The following DSG2 variants were observed in gnomAD, a reference collection of about 807,000 sequenced individuals.
The protein encoded by DSG2 is desmoglein 2.
DSG2 carries 45 observed loss-of-function variants against 75.6 expected under a neutral mutation model. The ratio of observed to expected loss-of-function variants is 0.60; its 90% CI spans 0.47 to 0.76. The LOEUF is 0.76. Among genes scored for constraint, DSG2 ranks in the 30% least tolerant of loss-of-function variants. The pLI is 0.00. For synonymous variants in DSG2, 429 were observed against 483.9 expected, an observed-to-expected ratio of 0.89 and a Z score of 1.49; for missense variants, 1,267 against 1,357.4, an observed-to-expected ratio of 0.93 and a Z score of 1.05.
At chr18:31,517,776 A>G (rs1161454553) in intron 1 of DSG2, among the ~76,000 whole-genome samples, 1 of 152,014 alleles carries the variant, frequency 6.6e-6, no homozygotes, top group African/African-American at 2.4e-5. Flanking sequence ...AAGTCAGAAC[A>G]TGGGCTGTCC....
intron 9 of DSG2, 40 bp from the exon 10 acceptor site, chr18:31,535,230 T>C (rs1394146878): frequency 1.4e-6 from 2 of 1,381,294 alleles, no homozygotes; most frequent in African/African-American, 2.9e-5. Flanking sequence ...TTCCAATTCA[T>C]GCAGAATTCA....
intron 6 of DSG2, among the ~76,000 whole-genome samples, chr18:31,522,829 G>A (rs2073137096): frequency 6.6e-6 from 1 of 152,122 alleles, no homozygotes; most frequent in Non-Finnish European, 1.5e-5. Context: ...CCTAGTTAGA[G>A]AATAAAAGTA....
intron 8 of DSG2, 108 bp downstream of exon 8, chr18:31,524,996 T>A: frequency 1.9e-6 from 2 of 1,044,040 alleles, no homozygotes; most frequent in Non-Finnish European, 2.9e-6. Flanking sequence ...TTCAATTAAC[T>A]AGCACTACAG....
chr18:31,536,558 G>A, intron 11 of DSG2, 129 bp downstream of exon 11: 2 of 938,812 alleles, frequency 2.1e-6, no homozygotes, highest in African/African-American at 1.6e-5. Context: ...ATGAAATGAG[G>A]TCCTGAACCT....
At chr18:31,507,052 T>A (rs1191896350) in intron 1 of DSG2, among the ~76,000 whole-genome samples, 1 of 152,164 alleles carries the variant, frequency 6.6e-6, no homozygotes, top group Non-Finnish European at 1.5e-5. Flanking sequence ...GTATTAGGTA[T>A]TTCTCCTAGT....
chr18:31,546,739 C>T lies in DSG2; in HGVS notation c.3353C>T (p.Ser1118Phe), dbSNP rs368703304. 2.2e-5 allele frequency: 35 copies of T among 1,613,886 alleles called. No individual in the cohort carries two copies. The African/African-American group carries it at 4.3e-4, about 20-fold the overall frequency. Residue 1118 changes from serine to phenylalanine, a missense_variant, in exon 15 of 15, where the codon TCC becomes TTC. Transcript: ENST00000261590. ...TKHSTVQHSY[S>F] ...CATAGCACTGTACAGCATTCTTACT[C>T]CTAAACAGCAGTCAGCCACAAACTG...
At position 31,546,339 on chromosome 18, in the gene DSG2, GT is replaced by G. The variant is rs1064794709; in HGVS notation, c.2955del (p.Val986TrpfsTer6). The G allele has an allele frequency of 2.4e-5, 38 of 1,612,536 alleles. No individual in the cohort carries two copies. The highest frequency in any genetic ancestry group is 3.2e-5 in the Non-Finnish European group (38 of 1,178,964). On this transcript the variant is annotated frameshift_variant, in exon 15 of 15. Coordinates refer to ENST00000261590, the MANE Select transcript of DSG2 (RefSeq NM_001943.5). LOFTEE classifies it low-confidence loss of function (END_TRUNC). Reference sequence around the variant, plus strand: ...TCAGCCTTATGCTAATGAAGGTACAGTTGTGGTCACTGAAAGAGTAATACAG... The same window carrying G: ...TCAGCCTTATGCTAATGAAGGTACAGTGTGGTCACTGAAAGAGTAATACAG... The part of the protein sequence containing the change: ...VDQPYANEGT[V>X]VVTERVIQPH...
chr18:31,546,894 A>C lies in DSG2; in HGVS notation c.*151A>C, dbSNP rs1468967204. ...TTTCTCAGTCACTGATATGCAAAGG[A>C]CCACACTGTCTCTGCTTCCAGGAGT... On this transcript the variant is annotated 3_prime_UTR_variant, in exon 15 of 15. Transcript: ENST00000261590. 8 of 792,492 alleles carry C rather than the reference A, an allele frequency of 1.0e-5. No individual in the cohort carries two copies. The allele number at this position is 792,492 out of a possible 1,614,324, so 49.1% of individuals were successfully genotyped here. A position where few individuals can be genotyped will look rare whatever the true frequency, so the allele number is the denominator to read the frequency against.
chr18:31,508,300 A>C (rs1361429782), intron 1 of DSG2, among the ~76,000 whole-genome samples: 1 of 152,202 alleles, frequency 6.6e-6, no homozygotes, highest in Non-Finnish European at 1.5e-5. Context: ...GAATACTTGT[A>C]AAATGAAAAA....
intron 1 of DSG2, among the ~76,000 whole-genome samples, chr18:31,506,186 C>T (rs868256777): frequency 6.6e-6 from 1 of 152,100 alleles, no homozygotes; most frequent in Non-Finnish European, 1.5e-5. Flanking sequence ...CCCAGGTTCA[C>T]CTGGCACCAA....
Position 31,546,862 on chromosome 18 carries a change from T to A in DSG2, c.*119T>A, listed in dbSNP as rs1015547854. 8.6e-7 allele frequency: 1 copy of A among 1,164,566 alleles called. No individual in the cohort carries two copies. Among genetic ancestry groups the A allele is most frequent in the Non-Finnish European group, 1.3e-6 (1 of 784,448 alleles). 72.1% of individuals were successfully genotyped at this position (1,164,566 alleles called of 1,614,324 possible). A position where few individuals can be genotyped will look rare whatever the true frequency, so the allele number is the denominator to read the frequency against. ...CACAGAGACACATACACATTGATCTTAAAATTTTTCTCAGTCACTGATATG... is the reference window on the plus strand; with the variant it reads ...CACAGAGACACATACACATTGATCTAAAAATTTTTCTCAGTCACTGATATG... On this transcript the variant is annotated 3_prime_UTR_variant, in exon 15 of 15. Coordinates refer to ENST00000261590, the MANE Select transcript of DSG2 (RefSeq NM_001943.5).
At chr18:31,504,571 G>A (rs756718530) in intron 1 of DSG2, among the ~76,000 whole-genome samples, 45 of 152,278 alleles carry the variant, frequency 3.0e-4, no homozygotes, top group Non-Finnish European at 5.3e-4. Context: ...CGGCAGAGGG[G>A]GGGACACAGT....
intron 12 of DSG2, among the ~76,000 whole-genome samples, chr18:31,540,706 AG>A (rs1184562279): frequency 6.6e-6 from 1 of 152,236 alleles, no homozygotes; most frequent in Admixed American, 6.5e-5. Context: ...ACATTGATCA[AG>A]GGGTCAGCCT....
intron 1 of DSG2, among the ~76,000 whole-genome samples, chr18:31,511,458 T>C (rs1280476609): frequency 6.6e-6 from 1 of 152,220 alleles, no homozygotes; most frequent in Non-Finnish European, 1.5e-5. Flanking sequence ...TTCTGTGAGA[T>C]AGAGGATCTT....
In DSG2 at chr18:31,546,653, T is replaced by C; in HGVS notation, c.3267T>C (p.Gly1089=). Residue 1089 remains glycine, a synonymous_variant, in exon 15 of 15, where the codon GGT becomes GGC. Transcript: ENST00000261590. ...TCCCTGGCCCTCTGCCAGATTTTGGTTTAGAGGAATCTGGTCATTCTAATT... is the reference window on the plus strand; with the variant it reads ...TCCCTGGCCCTCTGCCAGATTTTGGCTTAGAGGAATCTGGTCATTCTAATT... The part of the protein sequence containing the change: ...AGVPGPLPDF[G]LEESGHSNST... 1 of 1,614,196 alleles carries C rather than the reference T, an allele frequency of 6.2e-7. No homozygotes were observed. Among genetic ancestry groups the C allele is most frequent in the South Asian group, 1.1e-5 (1 of 91,088 alleles).
Position 31,524,894 on chromosome 18 carries a change from T to G in DSG2, c.1014+6T>G. 6.2e-7 allele frequency: 1 copy of G among 1,614,080 alleles called. No homozygotes were observed. Among genetic ancestry groups the G allele is most frequent in the Non-Finnish European group, 8.5e-7 (1 of 1,179,904 alleles). On this transcript the variant is annotated splice_donor_region_variant and intron_variant, in intron 8 of 14. Coordinates refer to ENST00000261590, the MANE Select transcript of DSG2 (RefSeq NM_001943.5). ...GAATTGTGACCCTTATTAAGGTAAG[T>G]ACTAAGTATTCAAAACTGGCGTGGG...
chr18:31,538,797 T>A lies in DSG2; in HGVS notation c.1698T>A (p.Ser566Arg), dbSNP rs1487415889. The A allele has an allele frequency of 6.2e-7, 1 of 1,614,090 alleles. No individual in the cohort carries two copies. The highest frequency in any genetic ancestry group is 1.3e-5 in the African/African-American group (1 of 74,926). The change falls in exon 12 of 15, where the codon AGT becomes AGA. Residue 566 changes from serine to arginine, a missense_variant. Ser to Arg is a moderately radical substitution (Grantham distance 110). Coordinates refer to ENST00000261590, the MANE Select transcript of DSG2 (RefSeq NM_001943.5). ...AAAGTGAGAAAAAGCTTGGGAGAAG[T>A]GAAATTCAGTTCCTGATTTCAGACA... ...LQQSEKKLGR[S>R]EIQFLISDNQ...
intron 1 of DSG2, among the ~76,000 whole-genome samples, chr18:31,501,097 A>G (rs2073011228): frequency 6.6e-6 from 1 of 152,210 alleles, no homozygotes; most frequent in Admixed American, 6.5e-5. Flanking sequence ...TAATATGTTA[A>G]TAAAATACAT....
intron 13 of DSG2, 137 bp downstream of exon 13, chr18:31,541,451 G>A (rs2073267649): frequency 1.8e-6 from 2 of 1,141,054 alleles, no homozygotes; most frequent in African/African-American, 3.1e-5. Flanking sequence ...GTTAAGCAAA[G>A]AGTTCAAATG....
Sources: allele counts gnomAD v4.1 joint callset (sites outside exome capture counted in the v4.1 genomes callset), GRCh38; gene constraint gnomAD v4.1.1; transcripts MANE v1.5; gene names NCBI Gene and HGNC (gene_info 2026-07-23, HGNC 2026-07-21).